N4BP1: variants seen among roughly 807,000 people sequenced by gnomAD.
N4BP1 encodes NEDD4-binding protein 1.
A neutral mutation model predicts 70.9 loss-of-function variants in N4BP1; 21 were observed. The observed-to-expected ratio is 0.30, with a 90% CI of 0.21 to 0.43. N4BP1 has a LOEUF of 0.43. Ranked by LOEUF, N4BP1 falls within the 20% of genes least tolerant of loss-of-function variation. The pLI, the probability that N4BP1 is intolerant of heterozygous loss-of-function variation, is 1.00. For missense variants in N4BP1, 936 were observed against 1,069.4 expected, an observed-to-expected ratio of 0.88 and a Z score of 1.74; for synonymous variants, 387 against 394.6, an observed-to-expected ratio of 0.98 and a Z score of 0.23.
intron 1 of N4BP1, among the ~76,000 whole-genome samples, chr16:48,593,235 G>C (rs917808101): frequency 6.6e-6 from 1 of 152,058 alleles, no homozygotes; most frequent in African/African-American, 2.4e-5. Context: ...CTCCACACCT[G>C]GTACATAATT....
Position 48,542,831 on chromosome 16 carries a change from C to G in N4BP1, c.*73G>C, listed in dbSNP as rs958017324. 7.9e-7 allele frequency: 1 copy of G among 1,263,488 alleles called. No homozygotes were observed. Among genetic ancestry groups the G allele is most frequent in the Non-Finnish European group, 1.1e-6 (1 of 911,484 alleles). 78.3% of individuals were successfully genotyped at this position (1,263,488 alleles called of 1,614,324 possible). A position where few individuals can be genotyped will look rare whatever the true frequency, so the allele number is the denominator to read the frequency against. On this transcript the variant is annotated 3_prime_UTR_variant, in exon 7 of 7. Coordinates refer to ENST00000262384, the MANE Select transcript of N4BP1 (RefSeq NM_153029.4). Reference sequence around the variant, plus strand: ...TAAGTTTCTTCACATTATGTTCATTCCCATCAGGTACAGGTGTGAGCTTGA... The same window carrying G: ...TAAGTTTCTTCACATTATGTTCATTGCCATCAGGTACAGGTGTGAGCTTGA...
At chr16:48,547,441 C>A (rs1654206912) in intron 5 of N4BP1, among the ~76,000 whole-genome samples, 2 of 152,188 alleles carry the variant, frequency 1.3e-5, no homozygotes, top group Admixed American at 1.3e-4. Flanking sequence ...GCAGTGAATG[C>A]TAAACTCTTG....
rs775481877 is a variant in N4BP1 at position 48,543,272 on chromosome 16, AAGTG to A, written c.2334-15_2334-12del. The stretch of plus-strand genomic sequence containing the variant: ...AGGGGCTGCATATCTCTGTGAATGG[AAGTG>A]AGTCCTGGTGAGTTGGGTTATAAGT... On this transcript the variant is annotated splice_polypyrimidine_tract_variant and intron_variant, in intron 6 of 6. Coordinates refer to ENST00000262384, the MANE Select transcript of N4BP1 (RefSeq NM_153029.4). 14 of 1,503,774 alleles carry A rather than the reference AAGTG, an allele frequency of 9.3e-6. No homozygotes were observed. The highest frequency in any genetic ancestry group is 1.1e-5 in the Non-Finnish European group (12 of 1,126,376). 93.2% of individuals were successfully genotyped at this position (1,503,774 alleles called of 1,614,324 possible).
At chr16:48,570,658 A>C (rs943763499) in intron 1 of N4BP1, among the ~76,000 whole-genome samples, 1 of 151,944 alleles carries the variant, frequency 6.6e-6, no homozygotes, top group Non-Finnish European at 1.5e-5. Context: ...GTGGTACTTT[A>C]AATTCTGGTC....
intron 1 of N4BP1, among the ~76,000 whole-genome samples, chr16:48,596,566 A>G (rs1964417318): frequency 6.6e-6 from 1 of 152,180 alleles, no homozygotes; most frequent in Admixed American, 6.5e-5. Flanking sequence ...GACTGAAACC[A>G]CCTTTGCAAA....
At chr16:48,585,016 C>T (rs1964223400) in intron 1 of N4BP1, among the ~76,000 whole-genome samples, 1 of 152,140 alleles carries the variant, frequency 6.6e-6, no homozygotes, top group Non-Finnish European at 1.5e-5. Flanking sequence ...ACTGCAACCT[C>T]TGCCTCCTGG....
intron 1 of N4BP1, among the ~76,000 whole-genome samples, chr16:48,568,245 T>G (rs1470281323): frequency 6.6e-6 from 1 of 152,194 alleles, no homozygotes; most frequent in Non-Finnish European, 1.5e-5. Context: ...GTCACCTCCA[T>G]AAATTCAAAT....
intron 1 of N4BP1, chr16:48,577,914 G>A (rs948164951): frequency 2.6e-5 from 4 of 156,284 alleles, no homozygotes; most frequent in South Asian, 1.7e-4. Flanking sequence ...CTCTGTGCAC[G>A]GGAACAATGA....
intron 1 of N4BP1, among the ~76,000 whole-genome samples, chr16:48,595,676 T>G (rs1237075279): frequency 6.6e-6 from 1 of 152,158 alleles, no homozygotes; most frequent in African/African-American, 2.4e-5. Context: ...AGGACACAAT[T>G]GGAGAAACTG....
intron 1 of N4BP1, among the ~76,000 whole-genome samples, chr16:48,584,369 T>C (rs896956744): frequency 3.3e-5 from 5 of 152,202 alleles, no homozygotes; most frequent in South Asian, 2.1e-4. Flanking sequence ...ATTCAGACTG[T>C]TGAAGCTGAA....
intron 2 of N4BP1, among the ~76,000 whole-genome samples, chr16:48,557,806 A>G (rs576989896): frequency 6.6e-6 from 1 of 152,302 alleles, no homozygotes; most frequent in African/African-American, 2.4e-5. Context: ...TTCATCAACA[A>G]GTTTTTACTG....
chr16:48,562,465 A>G, intron 1 of N4BP1, 21 bp from the exon 2 acceptor site: 2 of 1,554,500 alleles, frequency 1.3e-6, no homozygotes, highest in Non-Finnish European at 1.7e-6. Flanking sequence ...AAAATAAGAA[A>G]TTAGGTCAAT....
intron 1 of N4BP1, among the ~76,000 whole-genome samples, chr16:48,606,190 C>T (rs1964580026): frequency 6.6e-6 from 1 of 152,092 alleles, no homozygotes; most frequent in South Asian, 2.1e-4. Context: ...ACAACTTAAC[C>T]ATCCCTCCTG....
At position 48,582,407 on chromosome 16, in the gene N4BP1, G is replaced by A. The variant is rs576624292; in HGVS notation, c.199-19963C>T. Among the ~76,000 whole-genome samples the A allele has an allele frequency of 3.9e-5, 6 of 152,146 alleles. No individual in the cohort carries two copies. In the East Asian group the frequency reaches 1.2e-3, roughly 29 times the overall value. ...TGCCCAACAGACAGTAGCTGCCTTGGTTATCAGATCGACTGTAGCAGTATC... is the reference window on the plus strand; with the variant it reads ...TGCCCAACAGACAGTAGCTGCCTTGATTATCAGATCGACTGTAGCAGTATC... On this transcript the variant is annotated intron_variant, in intron 1 of 6. Coordinates refer to ENST00000262384, the MANE Select transcript of N4BP1 (RefSeq NM_153029.4).
At chr16:48,607,319 C>T (rs999737254) in intron 1 of N4BP1, among the ~76,000 whole-genome samples, 28 of 152,204 alleles carry the variant, frequency 1.8e-4, no homozygotes, top group South Asian at 4.1e-4. Context: ...TGAGCAAAAG[C>T]AGAACCCAGA....
chr16:48,609,888 C>T lies in N4BP1; in HGVS notation c.85G>A (p.Gly29Ser). ...LLEQSRGRIE[G>S]LFGVSLAVLG... is the part of the protein sequence containing the mutation. ...ACGGCTAGGCTCACGCCAAACAGGC[C>T]CTCGATACGGCCGCGGCTCTGCTCC... Residue 29 changes from glycine to serine, a missense_variant, in exon 1 of 7, where the codon GGC becomes AGC. Gly to Ser is a moderately conservative substitution (Grantham distance 56). Coordinates refer to ENST00000262384, the MANE Select transcript of N4BP1 (RefSeq NM_153029.4). 5 of 1,478,848 alleles carry T rather than the reference C, an allele frequency of 3.4e-6. No individual in the cohort carries two copies. Among genetic ancestry groups the T allele is most frequent in the African/African-American group, 2.9e-5 (2 of 68,710 alleles). The allele number at this position is 1,478,848 out of a possible 1,614,324, so 91.6% of individuals were successfully genotyped here.
Position 48,560,838 on chromosome 16 carries a change from A to G in N4BP1, c.1805T>C (p.Ile602Thr), listed in dbSNP as rs773207025. The change falls in exon 2 of 7, where the codon ATA (isoleucine) becomes ACA (threonine). Residue 602 changes from isoleucine to threonine, a missense_variant. Physicochemically the swap from Ile to Thr is moderately conservative, Grantham distance 89. Coordinates refer to ENST00000262384, the MANE Select transcript of N4BP1 (RefSeq NM_153029.4). ...GVQRFRDTLK[I>T]PYKLELKNEP... ...ATTTTTTAATTCCAGCTTGTAGGGT[A>G]TTTTTAGAGTATCTCGAAACCTTTG... 6 of 1,613,906 alleles carry G rather than the reference A, an allele frequency of 3.7e-6. No individual in the cohort carries two copies. The South Asian group carries it at 5.5e-5, about 15-fold the overall frequency.
At position 48,560,865 on chromosome 16, in the gene N4BP1, A is replaced by G; in HGVS notation, c.1778T>C (p.Val593Ala). The G allele has an allele frequency of 6.2e-7, 1 of 1,613,886 alleles. No individual in the cohort carries two copies. Among genetic ancestry groups the G allele is most frequent in the Non-Finnish European group, 8.5e-7 (1 of 1,179,858 alleles). ...SDHIDSSVTGVQRFRDTLKIP... is the reference protein window; with the variant it reads ...SDHIDSSVTGAQRFRDTLKIP... ...TTTTAGAGTATCTCGAAACCTTTGA[A>G]CCCCAGTAACTGAGGAATCAATATG... is the stretch of plus-strand genomic sequence containing the variant. The change falls in exon 2 of 7, where the codon GTT becomes GCT. Residue 593 changes from valine (V) to alanine (A), a missense_variant. Physicochemically the swap from Val to Ala is moderately conservative, Grantham distance 64 (BLOSUM62 0). Coordinates refer to ENST00000262384, the MANE Select transcript of N4BP1 (RefSeq NM_153029.4).
chr16:48,577,568 C>T (rs906503712), intron 1 of N4BP1: 5 of 206,240 alleles, frequency 2.4e-5, no homozygotes, highest in Admixed American at 2.4e-4. Flanking sequence ...TGCATGGAGA[C>T]TCTGGTGTGG....
Sources: gnomAD v4.1 joint callset for allele counts (sites outside exome capture counted in the v4.1 genomes callset) on GRCh38, gnomAD v4.1.1 for gene constraint, MANE v1.5 for transcripts, NCBI Gene and HGNC (gene_info 2026-07-23, HGNC 2026-07-21) for gene names.